MYH11: variants seen among roughly 807,000 people sequenced by gnomAD.
MYH11 encodes the protein myosin heavy chain 11.
In MYH11, 80 loss-of-function variants were observed where a neutral mutation model predicts 246.6. The ratio of observed to expected loss-of-function variants is 0.32; its 90% confidence interval spans 0.27 to 0.39. The LOEUF (loss-of-function observed/expected upper bound fraction) is 0.39. Ranked by LOEUF, MYH11 falls within the 10% of genes least tolerant of loss-of-function variation. The pLI, the probability that MYH11 is intolerant of heterozygous loss-of-function variation, is 1.00. For synonymous variants in MYH11, 1,071 were observed against 1,015.5 expected (o/e 1.05, Z -1.04); for missense variants, 2,158 against 2,546.8 (o/e 0.85, Z 3.29).
chr16:15,838,634 C>T (rs111954917), intron 1 of MYH11, among the ~76,000 whole-genome samples: 1 of 151,946 alleles, frequency 6.6e-6, no homozygotes, highest in African/African-American at 2.4e-5. Flanking sequence ...CCGAGGTGGG[C>T]AAATCACTTG....
chr16:15,714,254 C>T (rs1269436609), intron 40 of MYH11: 3 of 155,502 alleles, frequency 1.9e-5, no homozygotes, highest in Non-Finnish European at 1.4e-5. Context: ...AAACAGCCCC[C>T]ACTCCAGTGA....
chr16:15,715,743 C>T (rs1374880217), intron 38 of MYH11, among the ~76,000 whole-genome samples: 2 of 152,144 alleles, frequency 1.3e-5, no homozygotes, highest in Non-Finnish European at 2.9e-5. Context: ...GAACTCCTGG[C>T]TCAAGCAATC....
At chr16:15,818,939 G>A (rs1249270844) in intron 3 of MYH11, among the ~76,000 whole-genome samples, 1 of 152,142 alleles carries the variant, frequency 6.6e-6, no homozygotes, top group Non-Finnish European at 1.5e-5. Context: ...GAGTACCATA[G>A]CACGATCATA....
chr16:15,705,181 C>T (rs1352822323), intron 40 of MYH11, among the ~76,000 whole-genome samples: 1 of 151,712 alleles, frequency 6.6e-6, no homozygotes, highest in African/African-American at 2.4e-5. Context: ...GGGATTTTGC[C>T]ATGTGACCCA....
At chr16:15,733,692 A>G (rs2041033838) in intron 26 of MYH11, among the ~76,000 whole-genome samples, 1 of 151,426 alleles carries the variant, frequency 6.6e-6, no homozygotes, top group African/African-American at 2.4e-5. Flanking sequence ...ACCGACGCCC[A>G]CCACCACGCC....
chr16:15,725,680 T>C (rs909466161), intron 28 of MYH11: 2 of 398,832 alleles, frequency 5.0e-6, no homozygotes, highest in African/African-American at 2.1e-5. Flanking sequence ...GAAAAAAACA[T>C]CTCACTTAAT....
At chr16:15,713,483 GA>G in intron 40 of MYH11, 1 of 152,410 alleles carries the variant, frequency 6.6e-6, no homozygotes, top group Non-Finnish European at 1.5e-5. Context: ...TGCTCTGTGG[GA>G]AAAGGTGGAG....
At chr16:15,721,250 G>T in intron 32 of MYH11, 172 bp downstream of exon 32, 1 of 945,300 alleles carries the variant, frequency 1.1e-6, no homozygotes, top group Non-Finnish European at 1.6e-6. Context: ...ACCCATCCTC[G>T]ACTGCCATTC....
rs564322384 is a variant in MYH11, at chr16:15,717,001, C to T, written c.5504+139G>A. 5.0e-4 allele frequency: 487 copies of T among 966,618 alleles called. 3 individuals carry two copies. Among genetic ancestry groups the T allele is most frequent in the Non-Finnish European group, 7.5e-4 (448 of 599,274 alleles). The allele number at this position is 966,618 out of a possible 1,614,324, so 59.9% of individuals were successfully genotyped here. On this transcript the variant is annotated intron_variant, in intron 38 of 40. Coordinates refer to ENST00000300036, the MANE Select transcript of MYH11 (RefSeq NM_002474.3). ...CTGTGTTTACGTTCAGTTCTCACAA[C>T]ATACCTGCACTGTAGGCATCACAGA...
At chr16:15,797,851 G>A (rs964481136) in intron 4 of MYH11, among the ~76,000 whole-genome samples, 12 of 151,960 alleles carry the variant, frequency 7.9e-5, no homozygotes, top group Admixed American at 7.9e-4. Flanking sequence ...AGTGTATTTA[G>A]TGCCACCTTT....
chr16:15,727,824 T>C (rs1468899318), intron 27 of MYH11, among the ~76,000 whole-genome samples: 2 of 151,876 alleles, frequency 1.3e-5, no homozygotes, highest in South Asian at 4.1e-4. Flanking sequence ...AATAAAACAT[T>C]AGCTGGGTGT....
intron 11 of MYH11, among the ~76,000 whole-genome samples, 191 bp downstream of exon 11, chr16:15,760,349 A>G: frequency 6.6e-6 from 1 of 151,668 alleles, no homozygotes; most frequent in Non-Finnish European, 1.5e-5. Context: ...TGGGCAGATG[A>G]ATGGATGGAT....
In MYH11 at chr16:15,736,017, G is replaced by T. The variant is rs114025118; in HGVS notation, c.3294-439C>A. On this transcript the variant is annotated intron_variant, in intron 25 of 40. Transcript: ENST00000300036. ...CAGCATTTGGCCAGCCACTGCTTGC[G>T]GGGGATATTCAGACTGGGGCTCTGC... 4.4e-3 allele frequency among the ~76,000 whole-genome samples: 670 copies of T among 152,304 alleles called. 4 individuals are homozygous for T. The highest frequency in any genetic ancestry group is 0.016 in the African/African-American group (649 of 41,580).
chr16:15,803,809 C>T lies in MYH11; in HGVS notation c.503-5122G>A, dbSNP rs1363242754. On this transcript the variant is annotated intron_variant, in intron 3 of 40. Coordinates refer to ENST00000300036, the MANE Select transcript of MYH11 (RefSeq NM_002474.3). ...CTCACAGGGCCCCCAGGAGAGGGAGCGGGCTCCAGGAGAAGGCCTGGGAGC... is the reference window on the plus strand; with the variant it reads ...CTCACAGGGCCCCCAGGAGAGGGAGTGGGCTCCAGGAGAAGGCCTGGGAGC... Among the ~76,000 whole-genome samples, 5 of 152,262 alleles carry T rather than the reference C, an allele frequency of 3.3e-5. No homozygotes were observed. The South Asian group carries it at 8.3e-4, about 25-fold the overall frequency.
intron 2 of MYH11, among the ~76,000 whole-genome samples, chr16:15,827,076 A>C (rs78964369): frequency 0.036 from 5,480 of 151,950 alleles, 314 homozygotes; most frequent in African/African-American, 0.12. Flanking sequence ...AAGGAGAATG[A>C]ATGAGTCAAC....
intron 28 of MYH11, 54 bp downstream of exon 28, chr16:15,726,794 C>G (rs778694374): frequency 5.6e-5 from 90 of 1,602,698 alleles, no homozygotes; most frequent in Non-Finnish European, 7.3e-5. Flanking sequence ...CTCCTCCCCA[C>G]AGAACTGGGC....
chr16:15,704,923 C>G (rs1301692967), intron 40 of MYH11, among the ~76,000 whole-genome samples: 2 of 152,182 alleles, frequency 1.3e-5, no homozygotes, highest in Non-Finnish European at 2.9e-5. Context: ...AAGCAGTTCT[C>G]CTACCTTGGC....
At chr16:15,782,827 T>C (rs2042387599) in intron 5 of MYH11, 2 of 321,352 alleles carry the variant, frequency 6.2e-6, no homozygotes, top group Non-Finnish European at 1.2e-5. Flanking sequence ...AGTTGTGCAG[T>C]GCACCACCTG....
rs1184978691 is a variant in MYH11, at chr16:15,750,426, C to A, written c.1865-95G>T. ...CCAGCCCCACCCACCAACCTGCCCA[C>A]TCCAATCTTTCCTTCCATCACCAAC... On this transcript the variant is annotated intron_variant, in intron 15 of 40. Transcript: ENST00000300036. This position sits in a 1 kb window ranked among gnomAD's most constrained non-coding sequence, Gnocchi z 4.3. The A allele has an allele frequency of 8.1e-7, 1 of 1,231,384 alleles. No homozygotes were observed. The highest frequency in any genetic ancestry group is 1.5e-5 in the African/African-American group (1 of 67,134). The allele number at this position is 1,231,384 out of a possible 1,614,324, so 76.3% of individuals were successfully genotyped here. A position where few individuals can be genotyped will look rare whatever the true frequency, so the allele number is the denominator to read the frequency against.
Sources: allele counts gnomAD v4.1 joint callset (sites outside exome capture counted in the v4.1 genomes callset), GRCh38; gene constraint gnomAD v4.1.1; non-coding constraint Gnocchi (gnomAD v3.1); transcripts MANE v1.5; gene names NCBI Gene and HGNC (gene_info 2026-07-23, HGNC 2026-07-21).